Variants in FAF1 observed in about 807,000 individuals in gnomAD.
The protein encoded by FAF1 is FAS-associated factor 1.
Under a neutral mutation model 92.5 loss-of-function variants are expected in FAF1, and 25 were observed. That is an observed-to-expected ratio of 0.27 (90% CI 0.20 to 0.38). The LOEUF is 0.38. Among genes scored for constraint, FAF1 ranks in the 10% least tolerant of loss-of-function variants. The pLI, the probability that FAF1 is intolerant of heterozygous loss-of-function variation, is 1.00. For synonymous variants in FAF1, 234 were observed against 273.2 expected, an observed-to-expected ratio of 0.86 and a Z score of 1.42; for missense variants, 636 against 793.3, an observed-to-expected ratio of 0.80 and a Z score of 2.38.
intron 1 of FAF1, among the ~76,000 whole-genome samples, chr1:50,928,710 G>C (rs546115814): frequency 1.7e-4 from 25 of 149,476 alleles, no homozygotes; most frequent in African/African-American, 5.7e-4. Flanking sequence ...TTGAACCTGG[G>C]AGGTGGAGGT....
At chr1:50,796,190 A>G (rs1661743962) in intron 3 of FAF1, among the ~76,000 whole-genome samples, 1 of 151,960 alleles carries the variant, frequency 6.6e-6, no homozygotes, top group South Asian at 2.1e-4. Context: ...ACAGAAACAA[A>G]AACTTTGGCA....
intron 18 of FAF1, among the ~76,000 whole-genome samples, chr1:50,456,155 C>T (rs1339049509): frequency 1.3e-5 from 2 of 151,702 alleles, no homozygotes. Flanking sequence ...TATTCAGGCT[C>T]AATTATAGTG....
At chr1:50,958,139 A>G (rs1292181259) in intron 1 of FAF1, among the ~76,000 whole-genome samples, 1 of 152,154 alleles carries the variant, frequency 6.6e-6, no homozygotes, top group Non-Finnish European at 1.5e-5. Context: ...TAAAAAATTT[A>G]ATTAATTAAT....
chr1:50,489,892 C>T (rs1227065412), intron 17 of FAF1, among the ~76,000 whole-genome samples: 1 of 64,504 alleles, frequency 1.6e-5, no homozygotes, highest in Non-Finnish European at 2.9e-5. Context: ...AAATATTTGC[C>T]AACAAATATT....
intron 1 of FAF1, among the ~76,000 whole-genome samples, chr1:50,929,748 C>A (rs144382520): frequency 6.6e-6 from 1 of 152,148 alleles, no homozygotes; most frequent in Admixed American, 6.5e-5. Flanking sequence ...CCTGCCCCCA[C>A]GATTCACAAT....
At chr1:50,550,635 G>A (rs183944523) in intron 13 of FAF1, among the ~76,000 whole-genome samples, 172 of 151,942 alleles carry the variant, frequency 1.1e-3, no homozygotes, top group African/African-American at 3.7e-3. Context: ...AGTATTTAAG[G>A]ACCACATCAC....
chr1:50,475,732 G>T, intron 17 of FAF1, 53 bp from the exon 18 acceptor site: 4 of 1,219,586 alleles, frequency 3.3e-6, no homozygotes, highest in Non-Finnish European at 4.6e-6. Flanking sequence ...GGACTATGGA[G>T]AGTGGGGAGG....
chr1:50,729,051 T>TAC, intron 6 of FAF1, among the ~76,000 whole-genome samples: 1 of 97,872 alleles, frequency 1.0e-5, no homozygotes, highest in African/African-American at 4.2e-5. Context: ...TATATATATA[T>TAC]ATATATATTT....
At chr1:50,749,724 G>A (rs1473239900) in intron 4 of FAF1, among the ~76,000 whole-genome samples, 1 of 151,968 alleles carries the variant, frequency 6.6e-6, no homozygotes, top group Non-Finnish European at 1.5e-5. Flanking sequence ...GGAGATGGAG[G>A]CTGCAGTGAG....
At chr1:50,682,034 T>C (rs1656449339) in intron 7 of FAF1, among the ~76,000 whole-genome samples, 1 of 149,762 alleles carries the variant, frequency 6.7e-6, no homozygotes, top group Non-Finnish European at 1.5e-5. Flanking sequence ...AGGGTCTCAC[T>C]ATGTTGCTAA....
intron 9 of FAF1, among the ~76,000 whole-genome samples, chr1:50,586,953 G>A (rs951913615): frequency 3.3e-5 from 5 of 152,172 alleles, no homozygotes; most frequent in South Asian, 4.1e-4. Context: ...AACAAAGGAC[G>A]AGTATGACAA....
chr1:50,838,199 CT>C (rs1644226161), intron 2 of FAF1, among the ~76,000 whole-genome samples: 2 of 152,038 alleles, frequency 1.3e-5, no homozygotes, highest in South Asian at 4.1e-4. Flanking sequence ...GGGGTAAAGC[CT>C]GCAGATACCA....
intron 6 of FAF1, among the ~76,000 whole-genome samples, chr1:50,724,953 C>T (rs2124461958): frequency 6.6e-6 from 1 of 152,298 alleles, no homozygotes; most frequent in Admixed American, 6.5e-5. Flanking sequence ...AAGACTCAAT[C>T]ATAACTCCTA....
intron 1 of FAF1, among the ~76,000 whole-genome samples, chr1:50,889,437 G>GT (rs1326375849): frequency 6.6e-6 from 1 of 152,094 alleles, no homozygotes; most frequent in Non-Finnish European, 1.5e-5. Context: ...TGCTTATCTA[G>GT]TTCTTTTAAT....
chr1:50,677,024 T>C (rs911019810), intron 7 of FAF1, among the ~76,000 whole-genome samples: 2 of 152,192 alleles, frequency 1.3e-5, no homozygotes, highest in Non-Finnish European at 2.9e-5. Context: ...TTGGGTGTTT[T>C]AGTATTGTTA....
At chr1:50,814,210 G>C (rs1398345832) in intron 2 of FAF1, among the ~76,000 whole-genome samples, 1 of 152,070 alleles carries the variant, frequency 6.6e-6, no homozygotes, top group Non-Finnish European at 1.5e-5. Flanking sequence ...CTGCATATAA[G>C]GCATAATATG....
At chr1:50,819,315 T>TC (rs1644008859) in intron 2 of FAF1, among the ~76,000 whole-genome samples, 1 of 151,906 alleles carries the variant, frequency 6.6e-6, no homozygotes, top group African/African-American at 2.4e-5. Flanking sequence ...ACATTTAAAA[T>TC]CCGTATGTTT....
At chr1:50,479,356 C>G (rs1646674212) in intron 17 of FAF1, among the ~76,000 whole-genome samples, 1 of 152,164 alleles carries the variant, frequency 6.6e-6, no homozygotes, top group Admixed American at 6.5e-5. Flanking sequence ...AATTATGGTT[C>G]TTTTTGATGG....
chr1:50,712,604 C>T (rs1471613972), intron 6 of FAF1, among the ~76,000 whole-genome samples: 2 of 151,828 alleles, frequency 1.3e-5, no homozygotes, highest in Non-Finnish European at 2.9e-5. Flanking sequence ...TGCAGTGAGC[C>T]GAAATCGCAC....
Sources: gnomAD v4.1 joint callset for allele counts (sites outside exome capture counted in the v4.1 genomes callset) on GRCh38, gnomAD v4.1.1 for gene constraint, MANE v1.5 for transcripts, NCBI Gene and HGNC (gene_info 2026-07-23, HGNC 2026-07-21) for gene names.